Variants in CADPS2 observed in about 807,000 individuals in gnomAD.
CADPS2 encodes calcium-dependent secretion activator 2.
Under a neutral mutation model 172.5 loss-of-function variants are expected in CADPS2, and 93 were observed. The ratio of observed to expected loss-of-function variants is 0.54; its 90% CI spans 0.46 to 0.64. The LOEUF (loss-of-function observed/expected upper bound fraction) is 0.64. Ranked by LOEUF, CADPS2 falls within the 30% of genes least tolerant of loss-of-function variation. CADPS2 has a pLI of 0.00. For synonymous variants in CADPS2, 546 were observed against 555.2 expected (o/e 0.98, Z 0.23); for missense variants, 1,420 against 1,565.9 (o/e 0.91, Z 1.57).
intron 2 of CADPS2, chr7:122,698,342 A>G (rs767751199): frequency 1.9e-6 from 3 of 1,613,706 alleles, no homozygotes; most frequent in South Asian, 2.2e-5. Context: ...ATCACAAAAG[A>G]GACCAAATAG....
At chr7:122,873,983 T>C (rs1432626120) in intron 1 of CADPS2, among the ~76,000 whole-genome samples, 1 of 152,180 alleles carries the variant, frequency 6.6e-6, no homozygotes, top group Non-Finnish European at 1.5e-5. Context: ...TGTCTGTTCA[T>C]ATCCTTCACC....
rs1000453612 is a variant in CADPS2 at position 122,796,786 on chromosome 7, A to G, written c.340-59718T>C. ...AACCCTGGAAGACAATCTAGGCAAT[A>G]CCATTCCGGAAAGAGCAATGGGCAA... On this transcript the variant is annotated intron_variant, in intron 1 of 29. Transcript: ENST00000449022. 3.3e-5 allele frequency among the ~76,000 whole-genome samples: 5 copies of G among 152,282 alleles called. No homozygotes were observed. The East Asian group carries it at 9.6e-4, about 29-fold the overall frequency.
chr7:122,750,667 T>C (rs1004799486), intron 1 of CADPS2, among the ~76,000 whole-genome samples: 5 of 152,096 alleles, frequency 3.3e-5, no homozygotes, highest in African/African-American at 9.7e-5. Context: ...CTAAGAGACA[T>C]GTGTGATCAT....
intron 27 of CADPS2, among the ~76,000 whole-genome samples, chr7:122,354,060 T>C (rs922768900): frequency 6.6e-6 from 1 of 152,084 alleles, no homozygotes; most frequent in African/African-American, 2.4e-5. Context: ...CTGCTTTCTA[T>C]AGGAGGAAGT....
At chr7:122,494,633 T>C (rs1387035845) in intron 9 of CADPS2, among the ~76,000 whole-genome samples, 6 of 151,692 alleles carry the variant, frequency 4.0e-5, no homozygotes, top group Non-Finnish European at 7.4e-5. Context: ...TTTTATTTTA[T>C]AGTGTTGAGT....
chr7:122,772,554 A>G (rs761283032), intron 1 of CADPS2, among the ~76,000 whole-genome samples: 1 of 152,222 alleles, frequency 6.6e-6, no homozygotes, highest in Non-Finnish European at 1.5e-5. Flanking sequence ...TAAATTTGCA[A>G]AAAATCAACA....
intron 25 of CADPS2, among the ~76,000 whole-genome samples, chr7:122,362,115 C>CA (rs1563150375): frequency 6.6e-6 from 1 of 151,582 alleles, no homozygotes; most frequent in African/African-American, 2.4e-5. Context: ...AACAAACAAA[C>CA]AAAAAAAATG....
chr7:122,696,243 C>T (rs1392076901), intron 2 of CADPS2, among the ~76,000 whole-genome samples: 1 of 152,082 alleles, frequency 6.6e-6, no homozygotes, highest in Non-Finnish European at 1.5e-5. Flanking sequence ...TGTGGTCCCT[C>T]GTCCCTCAGG....
chr7:122,837,678 C>T (rs370170873), intron 1 of CADPS2, among the ~76,000 whole-genome samples: 1 of 152,078 alleles, frequency 6.6e-6, no homozygotes, highest in Non-Finnish European at 1.5e-5. Context: ...AGAAAATCTA[C>T]AAGAAATGGA....
At chr7:122,698,737 A>T (rs757142742) in intron 2 of CADPS2, 1 of 1,613,322 alleles carries the variant, frequency 6.2e-7, no homozygotes, top group Non-Finnish European at 8.5e-7. Context: ...TCTTCCAAAG[A>T]CTCCAGTCTC....
intron 1 of CADPS2, among the ~76,000 whole-genome samples, chr7:122,755,543 A>G (rs751033202): frequency 4.6e-5 from 7 of 152,172 alleles, no homozygotes; most frequent in Admixed American, 2.6e-4. Context: ...GATGACAGAG[A>G]CGACACTAAT....
intron 15 of CADPS2, among the ~76,000 whole-genome samples, chr7:122,447,668 C>T (rs941639701): frequency 1.4e-5 from 2 of 147,526 alleles, no homozygotes; most frequent in African/African-American, 5.0e-5. Flanking sequence ...ATTTTCATGA[C>T]TCAGCCTCCC....
At chr7:122,663,120 T>C (rs75782521) in intron 3 of CADPS2, 117 bp downstream of exon 3, 1 of 782,758 alleles carries the variant, frequency 1.3e-6, no homozygotes, top group Non-Finnish European at 2.0e-6. Flanking sequence ...TCAATTTTGC[T>C]CAACTTTCCA....
chr7:122,724,265 T>C (rs994747082), intron 2 of CADPS2, among the ~76,000 whole-genome samples: 1 of 152,048 alleles, frequency 6.6e-6, no homozygotes, highest in Non-Finnish European at 1.5e-5. Context: ...TCAGGGACCT[T>C]GCCTTGTTCA....
At chr7:122,645,658 G>GATATATATATATATATATATAT (rs71161314) in intron 3 of CADPS2, among the ~76,000 whole-genome samples, 2 of 106,650 alleles carry the variant, frequency 1.9e-5, no homozygotes, top group Non-Finnish European at 3.7e-5. Context: ...ATATCTCTAA[G>GATATATATATATATATATATAT]ATATATATAT....
intron 6 of CADPS2, among the ~76,000 whole-genome samples, chr7:122,587,782 T>C (rs1027333031): frequency 2.0e-5 from 3 of 152,124 alleles, no homozygotes; most frequent in African/African-American, 4.8e-5. Context: ...CTTTGAGGAA[T>C]CGCCACATCA....
rs180871867 is a variant in CADPS2 at position 122,764,169 on chromosome 7, T to C, written c.340-27101A>G. Among the ~76,000 whole-genome samples the C allele has an allele frequency of 7.5e-4, 114 of 152,200 alleles. No homozygotes were observed. The Middle Eastern group carries it at 0.01, about 14-fold the overall frequency. On this transcript the variant is annotated intron_variant, in intron 1 of 29. Coordinates refer to ENST00000449022, the MANE Select transcript of CADPS2 (RefSeq NM_017954.11). ...ACAGCTTCTTCTGACTCAGCTTAGA[T>C]ATCACATTCTCCAGAATGCCTTATC...
chr7:122,325,353 G>T, intron 29 of CADPS2, 124 bp downstream of exon 29: 1 of 608,882 alleles, frequency 1.6e-6, no homozygotes, highest in Non-Finnish European at 2.9e-6. Flanking sequence ...GTAAACAGTA[G>T]CACATCATTG....
chr7:122,592,222 A>C lies in CADPS2; in HGVS notation c.1224-10932T>G, dbSNP rs1235110181. ...CAAAACAAGACATTTATGCAGCCAAAAGACACATGAAAAAATGCTCATCAT... is the reference window on the plus strand; with the variant it reads ...CAAAACAAGACATTTATGCAGCCAACAGACACATGAAAAAATGCTCATCAT... On this transcript the variant is annotated intron_variant, in intron 6 of 29. Coordinates refer to ENST00000449022, the MANE Select transcript of CADPS2 (RefSeq NM_017954.11). Among the ~76,000 whole-genome samples the C allele has an allele frequency of 9.9e-5, 15 of 152,148 alleles. No homozygotes were observed. The South Asian group carries it at 1.9e-3, about 19-fold the overall frequency.
Sources: allele counts gnomAD v4.1 joint callset (sites outside exome capture counted in the v4.1 genomes callset), GRCh38; gene constraint gnomAD v4.1.1; transcripts MANE v1.5; gene names NCBI Gene and HGNC (gene_info 2026-07-23, HGNC 2026-07-21).